Variants in ABCA13 observed in about 807,000 individuals in gnomAD.
The protein encoded by ABCA13 is ATP-binding cassette sub-family A member 13.
In ABCA13, 476 loss-of-function variants were observed where a neutral mutation model predicts 478.7. The observed-to-expected ratio is 0.99, with a 90% CI of 0.92 to 1.07. The LOEUF (loss-of-function observed/expected upper bound fraction) is 1.07, where lower values mean the gene tolerates loss of function less well. Ranked by LOEUF, ABCA13 falls within the 50% of genes least tolerant of loss-of-function variation. ABCA13 has a pLI of 0.00. For missense variants in ABCA13, 6,060 were observed against 5,910.6 expected (o/e 1.03, Z -0.83); for synonymous variants, 2,252 against 2,158.9 (o/e 1.04, Z -1.20).
intron 3 of ABCA13, among the ~76,000 whole-genome samples, chr7:48,214,536 C>A (rs943081537): frequency 6.6e-6 from 1 of 152,234 alleles, no homozygotes; most frequent in African/African-American, 2.4e-5. Flanking sequence ...CATTGAAAAT[C>A]TGTTGTTTAG....
In ABCA13 at chr7:48,269,062, C is replaced by A; in HGVS notation, c.2088C>A (p.Asn696Lys). The A allele has an allele frequency of 1.3e-6, 2 of 1,593,530 alleles. No homozygotes were observed. Among genetic ancestry groups the A allele is most frequent in the Non-Finnish European group, 1.7e-6 (2 of 1,162,878 alleles). ...ATAATTATTTTCAATTTTTGAATAA[C>A]TTACTCAAGTCTCCAACAGCTTCCA... ...ISDNYFQFLNNLLKSPTASIS... is the reference protein window; with the variant it reads ...ISDNYFQFLNKLLKSPTASIS... Residue 696 changes from asparagine (N) to lysine (K), a missense_variant, in exon 16 of 62, where the codon AAC (asparagine) becomes AAA (lysine). Coordinates refer to ENST00000435803, the MANE Select transcript of ABCA13 (RefSeq NM_152701.5).
At chr7:48,358,248 AGGGGAGG>A (rs1810275173) in intron 31 of ABCA13, among the ~76,000 whole-genome samples, 1 of 2,362 alleles carries the variant, frequency 4.2e-4, no homozygotes, top group Non-Finnish European at 9.6e-4. Flanking sequence ...AGGGGAGGGG[AGGGGAGG>A]GGAGGGGAGG....
intron 56 of ABCA13, among the ~76,000 whole-genome samples, chr7:48,586,796 T>C (rs1219401270): frequency 1.3e-5 from 2 of 152,184 alleles, no homozygotes; most frequent in Non-Finnish European, 2.9e-5. Context: ...TTAGTTTCAT[T>C]CCCATTTGTT....
At chr7:48,392,544 CTCCT>C (rs1272538776) in intron 38 of ABCA13, among the ~76,000 whole-genome samples, 2 of 152,134 alleles carry the variant, frequency 1.3e-5, no homozygotes, top group African/African-American at 2.4e-5. Flanking sequence ...TCTTCCTCAA[CTCCT>C]TCCTTCCTTC....
intron 41 of ABCA13, among the ~76,000 whole-genome samples, chr7:48,413,968 T>C (rs1436044775): frequency 6.6e-6 from 1 of 152,182 alleles, no homozygotes; most frequent in Admixed American, 6.5e-5. Flanking sequence ...GTTAGTCAAG[T>C]TCTCTAAATT....
At chr7:48,372,674 G>C (rs186735741) in intron 33 of ABCA13, among the ~76,000 whole-genome samples, 177 bp downstream of exon 33, 150 of 152,236 alleles carry the variant, frequency 9.9e-4, no homozygotes, top group Non-Finnish European at 1.6e-3. Context: ...AAACTGCAGG[G>C]TTTTTGCTGG....
intron 44 of ABCA13, among the ~76,000 whole-genome samples, chr7:48,470,373 A>T (rs956829126): frequency 6.6e-6 from 1 of 152,222 alleles, no homozygotes; most frequent in African/African-American, 2.4e-5. Flanking sequence ...TTGAAGTCAT[A>T]TATTAAATTA....
chr7:48,314,253 A>G lies in ABCA13; in HGVS notation c.9703A>G (p.Arg3235Gly). Residue 3235 changes from arginine to glycine, a missense_variant, in exon 26 of 62, where the codon AGA becomes GGA. By Grantham distance (125) the Arg-to-Gly change is moderately radical. This residue lies in a region of ABCA13 where 4,423 missense variants were observed against 4,309.1 expected (regional missense o/e 1.03). Coordinates refer to ENST00000435803, the MANE Select transcript of ABCA13 (RefSeq NM_152701.5). ...TCAGGTTTCACAAAATGTCCAGGCC[A>G]GAAGTTCAGCTTTTGGTTCTTTCCA... ...FQQVSQNVQARSSAFGSFQFV... is the reference protein window; with the variant it reads ...FQQVSQNVQAGSSAFGSFQFV... 1 of 1,613,280 alleles carries G rather than the reference A, an allele frequency of 6.2e-7. No homozygotes were observed. Among genetic ancestry groups the G allele is most frequent in the Non-Finnish European group, 8.5e-7 (1 of 1,179,776 alleles).
rs757262366 is a variant in ABCA13, at chr7:48,248,413, A to G, written c.1834A>G (p.Ser612Gly). ...CTCTCCTGAGAATGATGTCTTTTCT[A>G]GTGACTGTAAGCACCAGCTTGTCTC... is the stretch of plus-strand genomic sequence containing the variant. ...DPSPENDVFS[S>G]DCKHQLVSTV... The change falls in exon 14 of 62, where the codon AGT becomes GGT. Residue 612 changes from serine to glycine, a missense_variant. Physicochemically the swap from Ser to Gly is moderately conservative, Grantham distance 56. Around this residue, in one of 3 missense-constraint regions of ABCA13, gnomAD observed 4,423 missense variants for 4,309.1 expected, o/e 1.03. Coordinates refer to ENST00000435803, the MANE Select transcript of ABCA13 (RefSeq NM_152701.5). The G allele has an allele frequency of 1.5e-5, 24 of 1,611,248 alleles. No individual in the cohort carries two copies. Among genetic ancestry groups the G allele is most frequent in the Non-Finnish European group, 2.0e-5 (24 of 1,178,524 alleles).
intron 3 of ABCA13, among the ~76,000 whole-genome samples, chr7:48,213,203 T>G (rs1428528598): frequency 1.1e-4 from 16 of 152,222 alleles, no homozygotes; most frequent in African/African-American, 3.6e-4. Context: ...CATTGGGACC[T>G]TTGTTTAAAA....
chr7:48,540,540 T>C (rs936214868), intron 55 of ABCA13, among the ~76,000 whole-genome samples: 1 of 152,142 alleles, frequency 6.6e-6, no homozygotes, highest in Non-Finnish European at 1.5e-5. Flanking sequence ...AGCAGCACAA[T>C]GGAATTTTTC....
chr7:48,195,081 A>G (rs1797754104), intron 2 of ABCA13, among the ~76,000 whole-genome samples: 1 of 152,224 alleles, frequency 6.6e-6, no homozygotes, highest in Non-Finnish European at 1.5e-5. Flanking sequence ...GCACTGTGCA[A>G]CTTTGTCAGA....
chr7:48,482,648 C>T (rs1828893796), intron 46 of ABCA13, among the ~76,000 whole-genome samples: 3 of 152,074 alleles, frequency 2.0e-5, no homozygotes, highest in Admixed American at 2.0e-4. Context: ...TCTGCCTCGG[C>T]CTCCCAACGT....
At chr7:48,318,867 G>A (rs1802975946) in intron 27 of ABCA13, among the ~76,000 whole-genome samples, 1 of 152,068 alleles carries the variant, frequency 6.6e-6, no homozygotes, top group Admixed American at 6.5e-5. Flanking sequence ...ATATTATTAT[G>A]TTAATATTAT....
chr7:48,547,396 G>T (rs774182150), intron 55 of ABCA13, among the ~76,000 whole-genome samples: 4 of 151,858 alleles, frequency 2.6e-5, no homozygotes, highest in Non-Finnish European at 5.9e-5. Context: ...GAAAGAAAAT[G>T]CTGCCTCTTC....
At chr7:48,443,662 GACTGTCAAC>G (rs1299399201) in intron 42 of ABCA13, among the ~76,000 whole-genome samples, 5 of 152,138 alleles carry the variant, frequency 3.3e-5, no homozygotes, top group Non-Finnish European at 7.3e-5. Context: ...TTAGTAACAG[GACTGTCAAC>G]ACTGCCCAGA....
chr7:48,288,402 A>G (rs1798059495), intron 20 of ABCA13, among the ~76,000 whole-genome samples: 1 of 152,238 alleles, frequency 6.6e-6, no homozygotes, highest in African/African-American at 2.4e-5. Context: ...TCATGTTAGA[A>G]ACACAAGTAA....
rs181375961 is a variant in ABCA13, at chr7:48,278,936, A to C, written c.7742A>C (p.His2581Pro). 4.4e-4 allele frequency: 704 copies of C among 1,613,388 alleles called. No individual in the cohort carries two copies. Among genetic ancestry groups the C allele is most frequent in the Non-Finnish European group, 3.9e-4 (464 of 1,179,832 alleles). Residue 2581 changes from histidine to proline, a missense_variant, in exon 18 of 62, where the codon CAT (histidine) becomes CCT (proline). His to Pro is a moderately conservative substitution (Grantham distance 77). Coordinates refer to ENST00000435803, the MANE Select transcript of ABCA13 (RefSeq NM_152701.5). The stretch of plus-strand genomic sequence containing the variant: ...ATAGCTACTTTAAAAAAAATAGATC[A>C]TTTCACATTTGAAAAGATAAATGAT... ...KEIATLKKID[H>P]FTFEKINDLL...
Position 48,455,083 on chromosome 7 carries a change from C to G in ABCA13, c.12612C>G (p.Leu4204=), listed in dbSNP as rs148388560. Residue 4204 remains leucine (L), a synonymous_variant, in exon 43 of 62, where the codon CTC becomes CTG. Coordinates refer to ENST00000435803, the MANE Select transcript of ABCA13 (RefSeq NM_152701.5). ...RPATVQGVQL[L]RAQVAAILAR... is the part of the protein sequence containing the mutation. ...CAACTGTGCAGGGCGTCCAGCTGCT[C>G]CGCGCACAAGTGGCCGCGATCCTGG... 1,106 of 1,546,396 alleles carry G rather than the reference C, an allele frequency of 7.2e-4. 10 individuals carry two copies. In the African/African-American group the frequency reaches 0.012, roughly 17 times the overall value.
Sources: allele counts gnomAD v4.1 joint callset (sites outside exome capture counted in the v4.1 genomes callset), GRCh38; gene constraint gnomAD v4.1.1; regional missense constraint gnomAD v4.1.1; transcripts MANE v1.5; gene names NCBI Gene and HGNC (gene_info 2026-07-23, HGNC 2026-07-21).